Variants in COL14A1 observed in about 807,000 individuals in gnomAD.
COL14A1 encodes the protein collagen alpha-1(XIV) chain.
Under a neutral mutation model 230.3 loss-of-function variants are expected in COL14A1, and 136 were observed. The observed-to-expected ratio is 0.59, with a 90% CI of 0.51 to 0.68. COL14A1 has a LOEUF of 0.68. Ranked by LOEUF, COL14A1 falls within the 30% of genes least tolerant of loss-of-function variation. The pLI, the probability that COL14A1 is intolerant of heterozygous loss-of-function variation, is 0.00. For missense variants in COL14A1, 1,976 were observed against 2,215.8 expected (o/e 0.89, Z 2.17); for synonymous variants, 792 against 784.1 (o/e 1.01, Z -0.17).
chr8:120,195,424 C>T (rs779164664), intron 5 of COL14A1, among the ~76,000 whole-genome samples: 4 of 152,140 alleles, frequency 2.6e-5, no homozygotes, highest in Non-Finnish European at 5.9e-5. Context: ...CTAGTCCTAA[C>T]ATGAAAATTC....
chr8:120,370,437 A>G, intron 47 of COL14A1: 1 of 1,555,466 alleles, frequency 6.4e-7, no homozygotes, highest in Non-Finnish European at 8.7e-7. Flanking sequence ...TGTCCTGTCA[A>G]CCACCACCAC....
At chr8:120,314,588 G>A (rs1821149791) in intron 38 of COL14A1, among the ~76,000 whole-genome samples, 1 of 152,124 alleles carries the variant, frequency 6.6e-6, no homozygotes, top group Non-Finnish European at 1.5e-5. Context: ...TAATCTTACT[G>A]TAGGAGTCTA....
At chr8:120,137,432 T>G (rs1814752573) in intron 1 of COL14A1, among the ~76,000 whole-genome samples, 1 of 152,136 alleles carries the variant, frequency 6.6e-6, no homozygotes, top group Non-Finnish European at 1.5e-5. Context: ...TGTTAATTTC[T>G]ACTAATGTTT....
chr8:120,279,530 T>G (rs1044143813), intron 28 of COL14A1, among the ~76,000 whole-genome samples: 1 of 146,872 alleles, frequency 6.8e-6, no homozygotes, highest in Non-Finnish European at 1.5e-5. Flanking sequence ...CTAGGCCTAT[T>G]AATGTCTCAG....
chr8:120,208,083 G>C (rs1817498596), intron 10 of COL14A1, 149 bp from the exon 11 acceptor site: 1 of 684,814 alleles, frequency 1.5e-6, no homozygotes, highest in Non-Finnish European at 2.3e-6. Flanking sequence ...AATTCAAAGA[G>C]AGTTGACTGC....
intron 11 of COL14A1, 130 bp downstream of exon 11, chr8:120,208,491 C>A: frequency 2.9e-6 from 3 of 1,039,922 alleles, no homozygotes; most frequent in Non-Finnish European, 4.1e-6. Flanking sequence ...TCATAGAAGA[C>A]ATTTGTCGTG....
chr8:120,269,904 T>C, intron 25 of COL14A1, 131 bp from the exon 26 acceptor site: 7 of 888,810 alleles, frequency 7.9e-6, no homozygotes, highest in Non-Finnish European at 8.5e-6. Flanking sequence ...AATATGAACA[T>C]TAAGAAGTTT....
At chr8:120,222,918 C>T (rs1316108800) in intron 14 of COL14A1, among the ~76,000 whole-genome samples, 5 of 151,910 alleles carry the variant, frequency 3.3e-5, no homozygotes, top group Admixed American at 3.3e-4. Context: ...GAGGAAACAA[C>T]AAGGCCGGTG....
intron 35 of COL14A1, among the ~76,000 whole-genome samples, chr8:120,299,798 T>C (rs1361835158): frequency 2.0e-5 from 3 of 152,146 alleles, no homozygotes; most frequent in African/African-American, 7.2e-5. Context: ...TAACCTTTCT[T>C]GGGTTTCTGT....
At chr8:120,213,927 C>A (rs1376002363) in intron 13 of COL14A1, 5 of 423,306 alleles carry the variant, frequency 1.2e-5, no homozygotes, top group Non-Finnish European at 2.3e-5. Context: ...TCTACACTTT[C>A]TCTCTAGCAC....
At chr8:120,275,022 C>T (rs1267870269) in intron 26 of COL14A1, among the ~76,000 whole-genome samples, 1 of 151,674 alleles carries the variant, frequency 6.6e-6, no homozygotes, top group Non-Finnish European at 1.5e-5. Context: ...CCAAAAAGAG[C>T]CCAAATAGCC....
At chr8:120,332,865 G>T in intron 42 of COL14A1, 130 bp downstream of exon 42, 1 of 642,924 alleles carries the variant, frequency 1.6e-6, no homozygotes, top group Non-Finnish European at 2.6e-6. Context: ...AATTCATAAA[G>T]GAAATTGGAA....
intron 40 of COL14A1, among the ~76,000 whole-genome samples, chr8:120,317,325 G>A (rs969338532): frequency 1.3e-5 from 2 of 152,156 alleles, no homozygotes; most frequent in Non-Finnish European, 2.9e-5. Context: ...GAATGTAGAT[G>A]CGCAAGCCTT....
At chr8:120,324,631 T>G (rs1047586958) in intron 40 of COL14A1, among the ~76,000 whole-genome samples, 2 of 152,148 alleles carry the variant, frequency 1.3e-5, no homozygotes, top group African/African-American at 4.8e-5. Flanking sequence ...CCTGGCCCCT[T>G]TCAACAAATT....
chr8:120,224,051 G>A (rs552251350), intron 14 of COL14A1, among the ~76,000 whole-genome samples: 1 of 19,440 alleles, frequency 5.1e-5, no homozygotes, highest in African/African-American at 2.0e-4. Context: ...TTTTGAGACA[G>A]AGTCTCATTC....
Position 120,314,961 on chromosome 8 carries a change from A to G in COL14A1, c.4552-572A>G, listed in dbSNP as rs560532585. 9.2e-5 allele frequency among the ~76,000 whole-genome samples: 14 copies of G among 152,370 alleles called. 1 individual carries two copies. The South Asian group carries it at 2.9e-3, about 32-fold the overall frequency. Reference sequence around the variant, plus strand: ...TTCAAGCCGCCCTGCATGTATTTACAATATTGGCCTTGCCATATTAGACTG... The same window carrying G: ...TTCAAGCCGCCCTGCATGTATTTACGATATTGGCCTTGCCATATTAGACTG... On this transcript the variant is annotated intron_variant, in intron 38 of 47. Transcript: ENST00000297848.
intron 19 of COL14A1, among the ~76,000 whole-genome samples, chr8:120,242,250 A>G (rs774104281): frequency 2.0e-5 from 3 of 152,220 alleles, no homozygotes; most frequent in Admixed American, 6.5e-5. Flanking sequence ...CATATGCTGT[A>G]TTAGAATGCT....
At chr8:120,299,408 A>T (rs1820640319) in intron 35 of COL14A1, among the ~76,000 whole-genome samples, 1 of 152,124 alleles carries the variant, frequency 6.6e-6, no homozygotes, top group Admixed American at 6.6e-5. Flanking sequence ...GCTAAAGGGA[A>T]GGTAGATGGG....
At chr8:120,128,067 C>T (rs1330941689) in intron 1 of COL14A1, among the ~76,000 whole-genome samples, 2 of 152,114 alleles carry the variant, frequency 1.3e-5, no homozygotes, top group Admixed American at 1.3e-4. Flanking sequence ...GTTTGCCCCT[C>T]GATAGTGCTG....
Sources: allele counts gnomAD v4.1 joint callset (sites outside exome capture counted in the v4.1 genomes callset), GRCh38; gene constraint gnomAD v4.1.1; transcripts MANE v1.5; gene names NCBI Gene and HGNC (gene_info 2026-07-23, HGNC 2026-07-21).